Variants in ADAMTSL3 observed in about 807,000 individuals in gnomAD.
ADAMTSL3 encodes the protein ADAMTS like 3.
Under a neutral mutation model 201.7 loss-of-function variants are expected in ADAMTSL3, and 128 were observed. The ratio of observed to expected loss-of-function variants is 0.63; its 90% CI spans 0.55 to 0.73. ADAMTSL3 has a LOEUF of 0.73. Ranked by LOEUF, ADAMTSL3 falls within the 30% of genes least tolerant of loss-of-function variation. The pLI is 0.00. For synonymous variants in ADAMTSL3, 738 were observed against 748.4 expected (o/e 0.99, Z 0.23); for missense variants, 1,990 against 2,119.6 (o/e 0.94, Z 1.20).
intron 8 of ADAMTSL3, among the ~76,000 whole-genome samples, chr15:83,860,867 G>A (rs1255650168): frequency 1.3e-5 from 2 of 152,174 alleles, no homozygotes; most frequent in Non-Finnish European, 2.9e-5. Context: ...GCAGGGCAAG[G>A]CATCGCGTCA....
At chr15:83,743,075 G>A (rs2062482113) in intron 3 of ADAMTSL3, among the ~76,000 whole-genome samples, 2 of 151,902 alleles carry the variant, frequency 1.3e-5, no homozygotes, top group Non-Finnish European at 2.9e-5. Context: ...CTGTGTTATT[G>A]TAACTGCGCT....
At chr15:83,883,047 A>G (rs2065306851) in intron 9 of ADAMTSL3, among the ~76,000 whole-genome samples, 1 of 151,930 alleles carries the variant, frequency 6.6e-6, no homozygotes, top group Non-Finnish European at 1.5e-5. Flanking sequence ...CCTTATTAAA[A>G]TTCCCTTTAA....
At chr15:83,853,523 A>G (rs904422966) in intron 7 of ADAMTSL3, among the ~76,000 whole-genome samples, 2 of 152,186 alleles carry the variant, frequency 1.3e-5, no homozygotes, top group African/African-American at 2.4e-5. Flanking sequence ...ATCAGGAATA[A>G]TGACTGAATT....
intron 15 of ADAMTSL3, among the ~76,000 whole-genome samples, chr15:83,906,238 T>A (rs1170730117): frequency 1.3e-5 from 2 of 152,224 alleles, no homozygotes; most frequent in Non-Finnish European, 2.9e-5. Context: ...TACATAAAAC[T>A]TTAGAGTTGT....
intron 7 of ADAMTSL3, among the ~76,000 whole-genome samples, chr15:83,847,626 G>T (rs2064527213): frequency 1.3e-5 from 2 of 151,672 alleles, no homozygotes; most frequent in South Asian, 4.2e-4. Context: ...CTCCTGAATA[G>T]CTGGGATTAC....
chr15:83,702,543 T>C (rs2061791524), intron 2 of ADAMTSL3, among the ~76,000 whole-genome samples: 1 of 152,198 alleles, frequency 6.6e-6, no homozygotes, highest in Non-Finnish European at 1.5e-5. Context: ...TGGTGCCCTG[T>C]GTCCCAGCTG....
At chr15:83,825,856 G>A (rs1035384723) in intron 6 of ADAMTSL3, among the ~76,000 whole-genome samples, 1 of 152,060 alleles carries the variant, frequency 6.6e-6, no homozygotes, top group African/African-American at 2.4e-5. Flanking sequence ...AATAGTGCTA[G>A]GAGATGAGGC....
intron 3 of ADAMTSL3, among the ~76,000 whole-genome samples, chr15:83,748,098 A>G (rs1370669747): frequency 8.5e-5 from 13 of 152,152 alleles, no homozygotes; most frequent in Non-Finnish European, 1.5e-5. Flanking sequence ...ATACAAATCA[A>G]ACTTATTCTC....
chr15:83,837,080 G>A (rs1013491126), intron 6 of ADAMTSL3, among the ~76,000 whole-genome samples: 1 of 152,000 alleles, frequency 6.6e-6, no homozygotes, highest in Non-Finnish European at 1.5e-5. Context: ...ACACACATAT[G>A]TACACATGAA....
At chr15:83,714,882 C>T (rs1330052994) in intron 3 of ADAMTSL3, among the ~76,000 whole-genome samples, 1,256 of 15,486 alleles carry the variant, frequency 0.081, 42 homozygotes, top group East Asian at 0.17. Flanking sequence ...CCCTCCCTTC[C>T]TTCCTTCCTT....
chr15:83,902,643 A>C (rs2065749073), intron 15 of ADAMTSL3, among the ~76,000 whole-genome samples: 1 of 152,132 alleles, frequency 6.6e-6, no homozygotes. Context: ...ATGTGGGTTC[A>C]TATGCCCAAT....
intron 2 of ADAMTSL3, among the ~76,000 whole-genome samples, chr15:83,662,709 T>G (rs1464125516): frequency 6.6e-6 from 1 of 152,172 alleles, no homozygotes; most frequent in Non-Finnish European, 1.5e-5. Flanking sequence ...TACCTGAAGT[T>G]GCACAGGGCT....
intron 19 of ADAMTSL3, among the ~76,000 whole-genome samples, chr15:83,965,796 C>T (rs2067071181): frequency 6.6e-6 from 1 of 152,172 alleles, no homozygotes. Context: ...AAACACTCCT[C>T]AGCAAATACA....
chr15:83,662,186 G>A lies in ADAMTSL3; in HGVS notation c.69+6356G>A, dbSNP rs1348930828. 5.5e-5 allele frequency among the ~76,000 whole-genome samples: 8 copies of A among 146,584 alleles called. No individual in the cohort carries two copies. In the East Asian group the frequency reaches 6.0e-4, roughly 11 times the overall value. ...TTGGAACCAACCCAAATGTCCAACAGTGATAGACTGGATTAAGAAAATGTG... is the reference window on the plus strand; with the variant it reads ...TTGGAACCAACCCAAATGTCCAACAATGATAGACTGGATTAAGAAAATGTG... On this transcript the variant is annotated intron_variant, in intron 2 of 29. Coordinates refer to ENST00000286744, the MANE Select transcript of ADAMTSL3 (RefSeq NM_207517.3).
At chr15:83,871,200 A>C (rs564599454) in intron 9 of ADAMTSL3, among the ~76,000 whole-genome samples, 1 of 152,202 alleles carries the variant, frequency 6.6e-6, no homozygotes, top group African/African-American at 2.4e-5. Context: ...TTGATTCTGT[A>C]TTTATAATCT....
intron 3 of ADAMTSL3, among the ~76,000 whole-genome samples, chr15:83,729,211 A>C (rs560127767): frequency 6.6e-6 from 1 of 151,996 alleles, no homozygotes; most frequent in African/African-American, 2.4e-5. Context: ...GAGTTTGATT[A>C]TTAAATACTT....
rs777480001 is a variant in ADAMTSL3, at chr15:83,991,122, C to G, written c.3881C>G (p.Thr1294Ser). ...ATCTTGTCTGTTGAAAGAAATATCA[C>G]CAAACCAGAGCACAACCATCTGTCT... ...PVILSVERNITKPEHNHLSVV... is the reference protein window; with the variant it reads ...PVILSVERNISKPEHNHLSVV... The change falls in exon 23 of 30, where the codon ACC becomes AGC. Residue 1294 changes from threonine (T) to serine (S), a missense_variant. By Grantham distance (58) the Thr-to-Ser change is moderately conservative. Transcript: ENST00000286744. The G allele has an allele frequency of 2.3e-5, 37 of 1,614,048 alleles. No homozygotes were observed. The highest frequency in any genetic ancestry group is 3.1e-5 in the Non-Finnish European group (37 of 1,180,026).
rs115908129 is a variant in ADAMTSL3, at chr15:83,682,775, T to C, written c.70-21614T>C. Reference sequence around the variant, plus strand: ...TAAATTTTCCATTAGAGAGCAGATGTCATCTAATGACTTTCCTACAAATGT... The same window carrying C: ...TAAATTTTCCATTAGAGAGCAGATGCCATCTAATGACTTTCCTACAAATGT... On this transcript the variant is annotated intron_variant, in intron 2 of 29. Coordinates refer to ENST00000286744, the MANE Select transcript of ADAMTSL3 (RefSeq NM_207517.3). Among the ~76,000 whole-genome samples the C allele has an allele frequency of 8.9e-3, 1,358 of 152,368 alleles. 16 individuals carry two copies. The highest frequency in any genetic ancestry group is 0.03 in the African/African-American group (1,262 of 41,590).
At chr15:83,655,933 C>A in intron 2 of ADAMTSL3, 103 bp downstream of exon 2, 1 of 1,208,230 alleles carries the variant, frequency 8.3e-7, no homozygotes, top group Non-Finnish European at 1.2e-6. Context: ...AGTGTTAATC[C>A]TACACCAGAG....
Sources: allele counts gnomAD v4.1 joint callset (sites outside exome capture counted in the v4.1 genomes callset), GRCh38; gene constraint gnomAD v4.1.1; transcripts MANE v1.5; gene names NCBI Gene and HGNC (gene_info 2026-07-23, HGNC 2026-07-21).